MORC1: variants seen among roughly 807,000 people sequenced by gnomAD.
MORC1 encodes MORC family CW-type zinc finger 1.
A neutral mutation model predicts 134.9 loss-of-function variants in MORC1; 59 were observed. That is an observed-to-expected ratio of 0.44 (90% confidence interval 0.35 to 0.54). MORC1 has a LOEUF of 0.54. Ranked by LOEUF, MORC1 falls within the 20% of genes least tolerant of loss-of-function variation. MORC1 has a pLI of 0.00. For missense variants in MORC1, 947 were observed against 1,134.5 expected (o/e 0.83, Z 2.37); for synonymous variants, 395 against 391.7 (o/e 1.01, Z -0.10).
At chr3:109,049,334 G>C (rs1056923067) in intron 14 of MORC1, 8 of 171,502 alleles carry the variant, frequency 4.7e-5, no homozygotes, top group African/African-American at 1.9e-4. Context: ...CACAAACTGG[G>C]TAATTGACAA....
intron 9 of MORC1, among the ~76,000 whole-genome samples, chr3:109,063,829 G>A (rs1417575929): frequency 6.6e-6 from 1 of 152,056 alleles, no homozygotes; most frequent in Non-Finnish European, 1.5e-5. Flanking sequence ...CAAAGCATAG[G>A]TGAGAAAAGC....
intron 14 of MORC1, among the ~76,000 whole-genome samples, chr3:109,050,696 AC>A (rs1451196802): frequency 6.6e-6 from 1 of 152,122 alleles, no homozygotes; most frequent in Non-Finnish European, 1.5e-5. Context: ...GAATGAAAGA[AC>A]CCATGAGATA....
chr3:109,095,518 AG>A, intron 6 of MORC1, among the ~76,000 whole-genome samples: 1 of 152,166 alleles, frequency 6.6e-6, no homozygotes. Flanking sequence ...GAGAACTATA[AG>A]TAGCATTTAG....
intron 14 of MORC1, among the ~76,000 whole-genome samples, chr3:109,053,848 T>G (rs1054570633): frequency 2.0e-5 from 3 of 152,078 alleles, no homozygotes; most frequent in Non-Finnish European, 4.4e-5. Context: ...CTCTGAGGAG[T>G]GAGGTGATCT....
intron 8 of MORC1, among the ~76,000 whole-genome samples, chr3:109,079,186 G>A (rs1335176217): frequency 6.6e-6 from 1 of 151,998 alleles, no homozygotes; most frequent in Non-Finnish European, 1.5e-5. Flanking sequence ...CACAGTTACA[G>A]CCAGTCTCAT....
chr3:109,044,212 G>T (rs533982099), intron 14 of MORC1, among the ~76,000 whole-genome samples: 128 of 152,158 alleles, frequency 8.4e-4, no homozygotes, highest in African/African-American at 2.8e-3. Flanking sequence ...ACTTTATTCA[G>T]TAGATTCCTA....
chr3:109,076,758 A>G lies in MORC1; in HGVS notation c.690-7001T>C, dbSNP rs548991787. Among the ~76,000 whole-genome samples the G allele has an allele frequency of 1.1e-4, 16 of 152,264 alleles. No homozygotes were observed. In the South Asian group the frequency reaches 3.1e-3, roughly 30 times the overall value. ...AACCAAATACCACATGTTCTCACTC[A>G]TAAGTGGGAGCTGGACAATGAGAAC... On this transcript the variant is annotated intron_variant, in intron 8 of 27. Transcript: ENST00000232603.
chr3:108,963,485 T>C lies in MORC1; in HGVS notation c.2728A>G (p.Arg910Gly). 1 of 1,613,050 alleles carries C rather than the reference T, an allele frequency of 6.2e-7. No homozygotes were observed. Residue 910 changes from arginine (R) to glycine (G), a missense_variant, in exon 27 of 28, where the codon AGA becomes GGA. Arg to Gly is a moderately radical substitution (Grantham distance 125). Coordinates refer to ENST00000232603, the MANE Select transcript of MORC1 (RefSeq NM_014429.4). Reference sequence around the variant, plus strand: ...TTCAGCTTATCCTCAGAGATTTTTCTTTTATTTTCACATTGCCCCAGAGAG... The same window carrying C: ...TTCAGCTTATCCTCAGAGATTTTTCCTTTATTTTCACATTGCCCCAGAGAG... ...EISLGQCENK[R>G]KISEDKLKNL...
At chr3:108,983,368 G>A (rs571638929) in intron 23 of MORC1, among the ~76,000 whole-genome samples, 2 of 152,052 alleles carry the variant, frequency 1.3e-5, no homozygotes, top group African/African-American at 2.4e-5. Context: ...AAATAAGCAA[G>A]CTAAAATTAA....
At chr3:109,072,575 C>T (rs1950341839) in intron 8 of MORC1, among the ~76,000 whole-genome samples, 1 of 152,194 alleles carries the variant, frequency 6.6e-6, no homozygotes, top group East Asian at 1.9e-4. Context: ...CAGGACTTCC[C>T]TGGCTTAATT....
intron 8 of MORC1, among the ~76,000 whole-genome samples, chr3:109,088,487 T>C (rs1485816380): frequency 1.3e-5 from 2 of 152,102 alleles, no homozygotes; most frequent in Non-Finnish European, 2.9e-5. Flanking sequence ...ATATCACTGA[T>C]CATTAGAGAA....
At chr3:109,116,510 A>G (rs770992992) in intron 1 of MORC1, among the ~76,000 whole-genome samples, 2 of 152,222 alleles carry the variant, frequency 1.3e-5, no homozygotes, top group African/African-American at 4.8e-5. Context: ...GTGGCTCATG[A>G]CTGTAATCCC....
intron 6 of MORC1, among the ~76,000 whole-genome samples, chr3:109,098,007 AAGT>A (rs1950859073): frequency 6.6e-6 from 1 of 152,212 alleles, no homozygotes; most frequent in African/African-American, 2.4e-5. Context: ...TAAAATCAAG[AAGT>A]AGCAATACAG....
At chr3:109,004,295 G>T (rs892628443) in intron 20 of MORC1, among the ~76,000 whole-genome samples, 4 of 152,076 alleles carry the variant, frequency 2.6e-5, no homozygotes, top group African/African-American at 9.7e-5. Context: ...CTTTAAGGTC[G>T]AATTTAATTT....
intron 14 of MORC1, among the ~76,000 whole-genome samples, chr3:109,037,174 A>C (rs1366167214): frequency 6.6e-6 from 1 of 152,196 alleles, no homozygotes; most frequent in Non-Finnish European, 1.5e-5. Context: ...GGGATCCACC[A>C]TTCTTATCTC....
chr3:108,984,370 C>A (rs1418866093), intron 23 of MORC1, among the ~76,000 whole-genome samples: 1 of 151,772 alleles, frequency 6.6e-6, no homozygotes. Context: ...AGATAATGAA[C>A]CACAGAGAAA....
At chr3:109,073,626 C>T (rs901892503) in intron 8 of MORC1, among the ~76,000 whole-genome samples, 2 of 152,200 alleles carry the variant, frequency 1.3e-5, no homozygotes, top group African/African-American at 4.8e-5. Context: ...GAGAAAATGA[C>T]TCTAAACTGC....
chr3:109,105,808 G>T (rs144398574), intron 3 of MORC1, among the ~76,000 whole-genome samples: 2 of 151,986 alleles, frequency 1.3e-5, no homozygotes, highest in East Asian at 3.9e-4. Flanking sequence ...TGATGTGCCC[G>T]CTTCTAATCC....
chr3:109,026,562 C>G (rs1204661454), intron 17 of MORC1, among the ~76,000 whole-genome samples: 1 of 152,096 alleles, frequency 6.6e-6, no homozygotes, highest in Non-Finnish European at 1.5e-5. Context: ...AAACAATGTC[C>G]AGAGATGGCA....
Sources: allele counts gnomAD v4.1 joint callset (sites outside exome capture counted in the v4.1 genomes callset), GRCh38; gene constraint gnomAD v4.1.1; transcripts MANE v1.5; gene names NCBI Gene and HGNC (gene_info 2026-07-23, HGNC 2026-07-21).